IKZF3: variants seen among roughly 807,000 people sequenced by gnomAD.
IKZF3 encodes IKAROS family zinc finger 3, also known as zinc finger protein Aiolos.
In IKZF3, 10 loss-of-function variants were observed where a neutral mutation model predicts 49.0. The observed-to-expected ratio is 0.20, with a 90% CI of 0.13 to 0.35. The LOEUF (loss-of-function observed/expected upper bound fraction) is 0.35, where lower values mean the gene tolerates loss of function less well. Among genes scored for constraint, IKZF3 ranks in the 10% least tolerant of loss-of-function variants. The pLI is 1.00. For missense variants in IKZF3, 498 were observed against 664.8 expected, an observed-to-expected ratio of 0.75 and a Z score of 2.76; for synonymous variants, 209 against 228.2, an observed-to-expected ratio of 0.92 and a Z score of 0.76.
rs577517465 is a variant in IKZF3, at chr17:39,860,849, G to T, written c.7+3271C>A. ...CATAATATACTTATGTAAGAAACCT[G>T]CACATGTACCCCCTAAATCTAATTT... is the stretch of plus-strand genomic sequence containing the variant. On this transcript the variant is annotated intron_variant, in intron 1 of 7. Transcript: ENST00000346872. 2.6e-5 allele frequency among the ~76,000 whole-genome samples: 4 copies of T among 152,094 alleles called. No homozygotes were observed. The East Asian group carries it at 7.7e-4, about 29-fold the overall frequency.
intron 1 of IKZF3, among the ~76,000 whole-genome samples, chr17:39,848,349 C>T (rs908513575): frequency 4.8e-4 from 73 of 152,166 alleles, no homozygotes; most frequent in African/African-American, 1.6e-3. Flanking sequence ...AGGTCAGTTA[C>T]CCTTAAGTTG....
chr17:39,805,187 A>G (rs1490131666), intron 3 of IKZF3, among the ~76,000 whole-genome samples: 2 of 152,234 alleles, frequency 1.3e-5, no homozygotes, highest in Admixed American at 6.5e-5. Context: ...TACAGAGCTC[A>G]GTGACTACTT....
chr17:39,813,303 GAAA>G (rs71355420), intron 3 of IKZF3, among the ~76,000 whole-genome samples: 2 of 126,046 alleles, frequency 1.6e-5, no homozygotes, highest in Non-Finnish European at 3.5e-5. Flanking sequence ...GCTTAGTTAT[GAAA>G]AAAAAAAAAA....
chr17:39,845,377 T>A (rs1228856822), intron 1 of IKZF3, among the ~76,000 whole-genome samples: 1 of 150,630 alleles, frequency 6.6e-6, no homozygotes, highest in Non-Finnish European at 1.5e-5. Flanking sequence ...AAAAAAAAAT[T>A]AGCCAGGCTT....
At chr17:39,849,533 C>T (rs1334793986) in intron 1 of IKZF3, among the ~76,000 whole-genome samples, 1 of 152,104 alleles carries the variant, frequency 6.6e-6, no homozygotes, top group Non-Finnish European at 1.5e-5. Context: ...GCGGTAGTCA[C>T]CTGTAATCCC....
chr17:39,851,047 T>C (rs753577563), intron 1 of IKZF3, among the ~76,000 whole-genome samples: 11 of 147,520 alleles, frequency 7.5e-5, no homozygotes, highest in Non-Finnish European at 1.5e-4. Flanking sequence ...ATATATTATA[T>C]ATACTATGTG....
chr17:39,838,528 C>G (rs1051658911), intron 1 of IKZF3, among the ~76,000 whole-genome samples: 6 of 152,004 alleles, frequency 3.9e-5, no homozygotes, highest in Non-Finnish European at 1.5e-5. Flanking sequence ...TCCTTTATAT[C>G]CTTTTCATTT....
intron 3 of IKZF3, among the ~76,000 whole-genome samples, chr17:39,793,401 T>TAA (rs2061080218): frequency 1.3e-5 from 2 of 152,158 alleles, no homozygotes; most frequent in Non-Finnish European, 2.9e-5. Context: ...AGATTAAGAG[T>TAA]TGACTAGTTA....
At chr17:39,800,667 C>A (rs1253816862) in intron 3 of IKZF3, among the ~76,000 whole-genome samples, 1 of 152,098 alleles carries the variant, frequency 6.6e-6, no homozygotes, top group Non-Finnish European at 1.5e-5. Context: ...CACACACACC[C>A]CAGAGAGAAT....
intron 3 of IKZF3, among the ~76,000 whole-genome samples, chr17:39,799,232 C>A (rs1430800246): frequency 6.6e-6 from 1 of 152,136 alleles, no homozygotes; most frequent in East Asian, 1.9e-4. Flanking sequence ...CAGTGCCCTA[C>A]ATAAAGTAGA....
At chr17:39,810,748 G>A (rs188839050) in intron 3 of IKZF3, among the ~76,000 whole-genome samples, 3 of 151,828 alleles carry the variant, frequency 2.0e-5, no homozygotes, top group African/African-American at 4.8e-5. Context: ...AAACAATATA[G>A]GTATATTATA....
At chr17:39,796,773 C>T (rs1161785281) in intron 3 of IKZF3, among the ~76,000 whole-genome samples, 1 of 150,032 alleles carries the variant, frequency 6.7e-6, no homozygotes, top group Non-Finnish European at 1.5e-5. Flanking sequence ...GTCTTGAACT[C>T]CTGACCTCGT....
At chr17:39,862,550 A>C (rs9907966) in intron 1 of IKZF3, among the ~76,000 whole-genome samples, 8,803 of 152,216 alleles carry the variant, frequency 0.058, 400 homozygotes, top group African/African-American at 0.12. Flanking sequence ...AATACTCTAT[A>C]CGCAAGGACC....
chr17:39,778,160 A>G (rs2060638383), intron 6 of IKZF3: 1 of 988,248 alleles, frequency 1.0e-6, no homozygotes, highest in Non-Finnish European at 1.2e-6. Context: ...ATTCTTAACA[A>G]CTTTGAAAAA....
chr17:39,830,084 A>G (rs9913769), intron 2 of IKZF3, among the ~76,000 whole-genome samples: 8,815 of 152,278 alleles, frequency 0.058, 398 homozygotes, highest in African/African-American at 0.12. Flanking sequence ...CTATCTCTCC[A>G]TTGGTATATC....
chr17:39,772,182 G>A (rs1399511914), intron 7 of IKZF3, among the ~76,000 whole-genome samples: 1 of 152,164 alleles, frequency 6.6e-6, no homozygotes, highest in Non-Finnish European at 1.5e-5. Flanking sequence ...ATTAGAAGAG[G>A]TAAGTTGAAG....
intron 6 of IKZF3, among the ~76,000 whole-genome samples, chr17:39,779,550 C>A (rs1294570743): frequency 6.6e-6 from 1 of 152,076 alleles, no homozygotes; most frequent in Non-Finnish European, 1.5e-5. Flanking sequence ...ATGATGCTAG[C>A]CTGAACCAGG....
chr17:39,863,100 CTTG>C (rs2063260393), intron 1 of IKZF3, among the ~76,000 whole-genome samples: 1 of 151,786 alleles, frequency 6.6e-6, no homozygotes, highest in Admixed American at 6.6e-5. Context: ...ACTTTTTTTC[CTTG>C]TTATTGGCCA....
At chr17:39,820,342 A>G (rs1360066562) in intron 3 of IKZF3, among the ~76,000 whole-genome samples, 2 of 152,242 alleles carry the variant, frequency 1.3e-5, no homozygotes, top group Non-Finnish European at 2.9e-5. Flanking sequence ...ATCAACATAA[A>G]TATCACTATA....
Sources: gnomAD v4.1 joint callset for allele counts (sites outside exome capture counted in the v4.1 genomes callset) on GRCh38, gnomAD v4.1.1 for gene constraint, MANE v1.5 for transcripts, NCBI Gene and HGNC (gene_info 2026-07-23, HGNC 2026-07-21) for gene names.